FREM2: variants seen among roughly 807,000 people sequenced by gnomAD.
FREM2 encodes FRAS1 related extracellular matrix 2, also known as FRAS1-related extracellular matrix protein 2.
FREM2 carries 119 observed loss-of-function variants against 219.9 expected under a neutral mutation model. The observed-to-expected ratio is 0.54, with a 90% CI of 0.47 to 0.63. The LOEUF (loss-of-function observed/expected upper bound fraction) is 0.63. Among genes scored for constraint, FREM2 ranks in the 30% least tolerant of loss-of-function variants. The pLI is 0.00. For missense variants in FREM2, 4,030 were observed against 3,993.6 expected (o/e 1.01, Z -0.25); for synonymous variants, 1,562 against 1,522.8 (o/e 1.03, Z -0.60).
intron 6 of FREM2, among the ~76,000 whole-genome samples, chr13:38,845,017 T>C (rs9315619): frequency 0.26 from 39,997 of 152,066 alleles, 6,973 homozygotes; most frequent in African/African-American, 0.49. Flanking sequence ...GCCCTAGCAC[T>C]GTCCAAGTCA....
At chr13:38,708,072 C>A (rs140139173) in intron 2 of FREM2, among the ~76,000 whole-genome samples, 1 of 152,102 alleles carries the variant, frequency 6.6e-6, no homozygotes, top group Non-Finnish European at 1.5e-5. Flanking sequence ...TCTTAAATGA[C>A]GTAACAGATG....
chr13:38,772,207 T>A (rs1034891501), intron 4 of FREM2, among the ~76,000 whole-genome samples: 2 of 152,196 alleles, frequency 1.3e-5, no homozygotes, highest in Non-Finnish European at 2.9e-5. Context: ...ATTAAAAATT[T>A]ATCCAGCTCA....
At chr13:38,762,085 C>T (rs554336054) in intron 2 of FREM2, among the ~76,000 whole-genome samples, 5 of 152,246 alleles carry the variant, frequency 3.3e-5, no homozygotes, top group African/African-American at 7.2e-5. Flanking sequence ...AGTGAGCTTG[C>T]ATTTGTTGAA....
In FREM2 at chr13:38,778,895, C is replaced by T. The variant is rs75452282; in HGVS notation, c.5642-4175C>T. Among the ~76,000 whole-genome samples, 264 of 152,154 alleles carry T rather than the reference C, an allele frequency of 1.7e-3. 3 individuals carry two copies. The East Asian group carries it at 0.033, about 19-fold the overall frequency. On this transcript the variant is annotated intron_variant, in intron 4 of 23. Coordinates refer to ENST00000280481, the MANE Select transcript of FREM2 (RefSeq NM_207361.6). The stretch of plus-strand genomic sequence containing the variant: ...AAGACTGCCAAAATCTAGGTGATAC[C>T]GGAGCACATTTCCATAAGTTAATGA...
At chr13:38,719,790 T>A (rs1871151325) in intron 2 of FREM2, among the ~76,000 whole-genome samples, 1 of 152,230 alleles carries the variant, frequency 6.6e-6, no homozygotes, top group African/African-American at 2.4e-5. Flanking sequence ...ACTTGTTGGA[T>A]ATGATTGTAA....
chr13:38,772,211 C>T (rs1873691652), intron 4 of FREM2, among the ~76,000 whole-genome samples: 1 of 151,976 alleles, frequency 6.6e-6, no homozygotes, highest in African/African-American at 2.4e-5. Flanking sequence ...AAAATTTATC[C>T]AGCTCATATT....
chr13:38,689,929 C>G lies in FREM2; in HGVS notation c.2585C>G (p.Ala862Gly). 6.2e-7 allele frequency: 1 copy of G among 1,614,148 alleles called. No individual in the cohort carries two copies. The highest frequency in any genetic ancestry group is 1.3e-5 in the African/African-American group (1 of 75,048). ...LHVNDVDTDVAHISFTLTQAP... is the reference protein window; with the variant it reads ...LHVNDVDTDVGHISFTLTQAP... Reference sequence around the variant, plus strand: ...GTGAATGATGTAGACACTGATGTTGCCCATATCTCTTTCACTCTCACTCAG... The same window carrying G: ...GTGAATGATGTAGACACTGATGTTGGCCATATCTCTTTCACTCTCACTCAG... Residue 862 changes from alanine to glycine, a missense_variant, in exon 1 of 24, where the codon GCC becomes GGC. Physicochemically the swap from Ala to Gly is moderately conservative, Grantham distance 60. Transcript: ENST00000280481.
chr13:38,735,703 G>A (rs1057009531), intron 2 of FREM2, among the ~76,000 whole-genome samples: 2 of 152,166 alleles, frequency 1.3e-5, no homozygotes, highest in African/African-American at 4.8e-5. Context: ...TCCTAAAACA[G>A]AGTGGCTTTT....
At chr13:38,779,226 G>A (rs942736190) in intron 4 of FREM2, among the ~76,000 whole-genome samples, 6 of 151,128 alleles carry the variant, frequency 4.0e-5, no homozygotes, top group South Asian at 2.1e-4. Flanking sequence ...GGGGCTTGTC[G>A]GGGGGTGGAG....
At chr13:38,819,835 C>T (rs535188157) in intron 6 of FREM2, among the ~76,000 whole-genome samples, 1 of 152,116 alleles carries the variant, frequency 6.6e-6, no homozygotes, top group Admixed American at 6.6e-5. Context: ...ATTTAGCCAG[C>T]CTGACTAAAG....
intron 2 of FREM2, among the ~76,000 whole-genome samples, chr13:38,763,234 C>T (rs1873300752): frequency 6.6e-6 from 1 of 152,132 alleles, no homozygotes; most frequent in South Asian, 2.1e-4. Flanking sequence ...TCTTTAGTAC[C>T]TGTTAAGTTG....
intron 6 of FREM2, among the ~76,000 whole-genome samples, chr13:38,798,299 C>T (rs150863457): frequency 1.2e-4 from 18 of 152,116 alleles, no homozygotes; most frequent in African/African-American, 4.1e-4. Flanking sequence ...TATGTTGAAC[C>T]ATCCTTGCAA....
intron 20 of FREM2, 59 bp from the exon 21 acceptor site, chr13:38,877,058 T>C: frequency 6.3e-7 from 1 of 1,592,684 alleles, no homozygotes; most frequent in South Asian, 1.1e-5. Context: ...CTGTGAACAG[T>C]ATGTTTGTGC....
rs746682102 is a variant in FREM2, at chr13:38,864,384, T to C, written c.7761T>C (p.Thr2587=). 2 of 1,614,132 alleles carry C rather than the reference T, an allele frequency of 1.2e-6. No homozygotes were observed. The highest frequency in any genetic ancestry group is 3.3e-5 in the Admixed American group (2 of 60,026). Residue 2587 remains threonine, a synonymous_variant, in exon 16 of 24, where the codon ACT becomes ACC. Transcript: ENST00000280481. ...AGTGCTCCAACCTCCTGGATTATAC[T>C]GAAGTGAAGACTCATTATGGTTTCT... ...NHKCSNLLDY[T]EVKTHYGFLT... is the part of the protein sequence containing the mutation.
chr13:38,791,511 C>T (rs888908779), intron 6 of FREM2, among the ~76,000 whole-genome samples: 1 of 152,194 alleles, frequency 6.6e-6, no homozygotes, highest in Non-Finnish European at 1.5e-5. Flanking sequence ...TTAATTGACT[C>T]ACAGTTCCAC....
chr13:38,790,651 G>T (rs1874524323), intron 6 of FREM2, among the ~76,000 whole-genome samples: 1 of 152,106 alleles, frequency 6.6e-6, no homozygotes, highest in Non-Finnish European at 1.5e-5. Context: ...CAAAGATGGG[G>T]CAACTAAACT....
intron 6 of FREM2, among the ~76,000 whole-genome samples, chr13:38,832,005 A>G (rs1876529860): frequency 6.6e-6 from 1 of 152,108 alleles, no homozygotes; most frequent in Admixed American, 6.6e-5. Context: ...ATGTTTATGT[A>G]AAGTATTTAT....
In FREM2 at chr13:38,872,882, C is replaced by T. The variant is rs1001511990; in HGVS notation, c.8124C>T (p.Thr2708=). 4.3e-6 allele frequency: 7 copies of T among 1,613,814 alleles called. No homozygotes were observed. The highest frequency in any genetic ancestry group is 1.7e-5 in the Admixed American group (1 of 59,984). The change falls in exon 17 of 24, where the codon ACC becomes ACT. Residue 2708 remains threonine, a synonymous_variant. Transcript: ENST00000280481. ...TTCGTCTAACTTTTGTGTACGACAC[C>T]GCCATCTTGTGGAATGATGGAATTG... ...SELRLTFVYD[T]AILWNDGIGS...
At chr13:38,836,608 G>T (rs775838321) in intron 6 of FREM2, among the ~76,000 whole-genome samples, 8 of 152,146 alleles carry the variant, frequency 5.3e-5, no homozygotes, top group African/African-American at 9.7e-5. Flanking sequence ...ATTAATTACT[G>T]TGCCAATTTC....
Sources: gnomAD v4.1 joint callset for allele counts (sites outside exome capture counted in the v4.1 genomes callset) on GRCh38, gnomAD v4.1.1 for gene constraint, MANE v1.5 for transcripts, NCBI Gene and HGNC (gene_info 2026-07-23, HGNC 2026-07-21) for gene names.